PTH2R: variants seen among roughly 807,000 people sequenced by gnomAD.
PTH2R encodes the protein PTH2 receptor.
In PTH2R, 59 loss-of-function variants were observed where a neutral mutation model predicts 60.3. The observed-to-expected ratio is 0.98, with a 90% CI of 0.79 to 1.22. The LOEUF (loss-of-function observed/expected upper bound fraction) is 1.22. Ranked by LOEUF, PTH2R falls within the 50% of genes most tolerant of loss-of-function variation. The pLI, the probability that PTH2R is intolerant of heterozygous loss-of-function variation, is 0.00. For synonymous variants in PTH2R, 256 were observed against 243.8 expected (o/e 1.05, Z -0.47); for missense variants, 749 against 682.6 (o/e 1.10, Z -1.08).
In PTH2R at chr2:208,427,744, T is replaced by C. The variant is rs1185048147; in HGVS notation, c.76-457T>C. 2.0e-5 allele frequency among the ~76,000 whole-genome samples: 3 copies of C among 152,090 alleles called. No homozygotes were observed. The East Asian group carries it at 5.8e-4, about 29-fold the overall frequency. On this transcript the variant is annotated intron_variant, in intron 1 of 12. Coordinates refer to ENST00000272847, the MANE Select transcript of PTH2R (RefSeq NM_005048.4). ...ATACAGATGGTTTCTTCTTTAAGGT[T>C]CTGTTCCTCTGGAACCAACCACTCT...
intron 1 of PTH2R, among the ~76,000 whole-genome samples, chr2:208,407,610 A>G (rs1425963611): frequency 6.6e-6 from 1 of 152,266 alleles, no homozygotes; most frequent in African/African-American, 2.4e-5. Flanking sequence ...TAGGAGACAG[A>G]ATAAAAATAC....
chr2:208,393,642 C>T (rs187521064), intron 1 of PTH2R, among the ~76,000 whole-genome samples: 1 of 152,334 alleles, frequency 6.6e-6, no homozygotes, highest in East Asian at 1.9e-4. Context: ...GCAGAACTGT[C>T]TGCTTTTCAG....
At chr2:208,472,471 G>T (rs1390933888) in intron 9 of PTH2R, among the ~76,000 whole-genome samples, 1 of 152,110 alleles carries the variant, frequency 6.6e-6, no homozygotes, top group Non-Finnish European at 1.5e-5. Flanking sequence ...ACTGAATCAT[G>T]GGGTCACTTT....
In PTH2R at chr2:208,489,104, G is replaced by T. The variant is rs763953951; in HGVS notation, c.1169G>T (p.Gly390Val). Residue 390 changes from glycine to valine, a missense_variant, in exon 11 of 13, where the codon GGG becomes GTG. Coordinates refer to ENST00000272847, the MANE Select transcript of PTH2R (RefSeq NM_005048.4). ...CTGCCTCACTCCTTCACTGGGCTCG[G>T]GTGGGAGATCCGCATGCACTGTGAG... ...VCLPHSFTGL[G>V]WEIRMHCELF... 6.2e-7 allele frequency: 1 copy of T among 1,614,104 alleles called. No individual in the cohort carries two copies. Among genetic ancestry groups the T allele is most frequent in the Non-Finnish European group, 8.5e-7 (1 of 1,179,998 alleles).
chr2:208,420,199 T>A (rs976231474), intron 1 of PTH2R, among the ~76,000 whole-genome samples: 4 of 151,738 alleles, frequency 2.6e-5, no homozygotes, highest in Non-Finnish European at 5.9e-5. Flanking sequence ...GACGAGTTAA[T>A]GGGTGCAGCA....
At chr2:208,420,738 A>G (rs1217794008) in intron 1 of PTH2R, among the ~76,000 whole-genome samples, 1 of 152,222 alleles carries the variant, frequency 6.6e-6, no homozygotes, top group Non-Finnish European at 1.5e-5. Flanking sequence ...GTAGTACAAT[A>G]TTACAATCAG....
chr2:208,490,324 A>G (rs964541783), intron 11 of PTH2R, among the ~76,000 whole-genome samples: 1 of 152,076 alleles, frequency 6.6e-6, no homozygotes, highest in Non-Finnish European at 1.5e-5. Flanking sequence ...ACTTCCTCTT[A>G]CCAAGCAGAG....
At chr2:208,417,094 T>A (rs1701655671) in intron 1 of PTH2R, among the ~76,000 whole-genome samples, 1 of 151,936 alleles carries the variant, frequency 6.6e-6, no homozygotes, top group African/African-American at 2.4e-5. Context: ...GTAACAAGAG[T>A]CTCTTGATCT....
intron 1 of PTH2R, among the ~76,000 whole-genome samples, chr2:208,369,755 A>C (rs1700658918): frequency 6.6e-6 from 1 of 152,078 alleles, no homozygotes; most frequent in African/African-American, 2.4e-5. Flanking sequence ...CCCTTACCAG[A>C]TATCCCACTT....
chr2:208,421,613 T>G (rs1158732506), intron 1 of PTH2R, among the ~76,000 whole-genome samples: 4 of 152,176 alleles, frequency 2.6e-5, no homozygotes, highest in Non-Finnish European at 4.4e-5. Flanking sequence ...ACATTCTAAA[T>G]AATTAAAAAC....
At chr2:208,459,782 G>A (rs948570484) in intron 8 of PTH2R, 113 bp from the exon 9 acceptor site, 11 of 825,504 alleles carry the variant, frequency 1.3e-5, no homozygotes, top group African/African-American at 3.5e-5. Context: ...TTGTCTATTT[G>A]TTTCTTAATT....
At chr2:208,412,848 A>G (rs1017752015) in intron 1 of PTH2R, among the ~76,000 whole-genome samples, 8 of 152,184 alleles carry the variant, frequency 5.3e-5, no homozygotes, top group Non-Finnish European at 7.4e-5. Context: ...CCACATTTCT[A>G]TTTAGTCTTT....
At position 208,493,522 on chromosome 2, in the gene PTH2R, C is replaced by A. The variant is rs956794027; in HGVS notation, c.1516C>A (p.Pro506Thr). Reference protein sequence around the residue: ...VWSNSEQDCLPHSFHEETKED... With the variant: ...VWSNSEQDCLTHSFHEETKED... ...GAGTAACTCAGAGCAGGACTGCCTG[C>A]CACACTCTTTCCACGAGGAGACCAA... Residue 506 changes from proline (P) to threonine (T), a missense_variant, in exon 13 of 13, where the codon CCA becomes ACA. Coordinates refer to ENST00000272847, the MANE Select transcript of PTH2R (RefSeq NM_005048.4). 2 of 1,613,516 alleles carry A rather than the reference C, an allele frequency of 1.2e-6. No homozygotes were observed. Among genetic ancestry groups the A allele is most frequent in the Non-Finnish European group, 1.7e-6 (2 of 1,179,800 alleles).
chr2:208,406,536 A>G (rs1701409997), upstream of PTH2R, among the ~76,000 whole-genome samples: 1 of 152,142 alleles, frequency 6.6e-6, no homozygotes, highest in Non-Finnish European at 1.5e-5. Context: ...CTTCTGGATC[A>G]CTCCTGGAAG....
chr2:208,483,453 G>A (rs868085826), intron 10 of PTH2R, among the ~76,000 whole-genome samples: 8 of 152,296 alleles, frequency 5.3e-5, no homozygotes, highest in Middle Eastern at 6.8e-3. Context: ...AATTCTGAAT[G>A]ACGTGAACTA....
chr2:208,467,115 T>C (rs1702770335), intron 9 of PTH2R, among the ~76,000 whole-genome samples: 1 of 152,192 alleles, frequency 6.6e-6, no homozygotes, highest in African/African-American at 2.4e-5. Context: ...TCCATCCTCC[T>C]TGGAGATGTC....
chr2:208,453,656 A>G (rs1392409758), intron 8 of PTH2R, among the ~76,000 whole-genome samples: 1 of 152,182 alleles, frequency 6.6e-6, no homozygotes, highest in Non-Finnish European at 1.5e-5. Context: ...CTATTAAGCA[A>G]TGATAAAGTT....
At chr2:208,366,656 C>T (rs575493045) in intron 1 of PTH2R, among the ~76,000 whole-genome samples, 30 of 152,332 alleles carry the variant, frequency 2.0e-4, no homozygotes, top group African/African-American at 6.7e-4. Flanking sequence ...TGTTAATGTG[C>T]TGTACTGCAT....
chr2:208,417,738 A>G (rs1701670460), intron 1 of PTH2R, among the ~76,000 whole-genome samples: 1 of 151,948 alleles, frequency 6.6e-6, no homozygotes, highest in South Asian at 2.1e-4. Flanking sequence ...TCTATGGTCT[A>G]ACAGGAGGAG....
Sources: gnomAD v4.1 joint callset for allele counts (sites outside exome capture counted in the v4.1 genomes callset) on GRCh38, gnomAD v4.1.1 for gene constraint, MANE v1.5 for transcripts, NCBI Gene and HGNC (gene_info 2026-07-23, HGNC 2026-07-21) for gene names.